The following GABRB1 variants were observed in gnomAD, a reference collection of about 807,000 sequenced individuals.
GABRB1 encodes the protein gamma-aminobutyric acid receptor subunit beta-1.
Under a neutral mutation model 51.6 loss-of-function variants are expected in GABRB1, and 17 were observed. The ratio of observed to expected loss-of-function variants is 0.33; its 90% confidence interval spans 0.23 to 0.49. The LOEUF (loss-of-function observed/expected upper bound fraction) is 0.49. Ranked by LOEUF, GABRB1 falls within the 20% of genes least tolerant of loss-of-function variation. The probability of loss-of-function intolerance (pLI) is 0.99; values close to 1 mark genes in which losing one functional copy is unlikely to be tolerated. For missense variants in GABRB1, 410 were observed against 600.6 expected (o/e 0.68, Z 3.32); for synonymous variants, 247 against 218.9 (o/e 1.13, Z -1.14).
At chr4:47,249,085 T>G (rs1160469572) in intron 4 of GABRB1, among the ~76,000 whole-genome samples, 1 of 152,108 alleles carries the variant, frequency 6.6e-6, no homozygotes, top group African/African-American at 2.4e-5. Context: ...CTCTCATTCC[T>G]TGAGGTGTGA....
At chr4:47,378,877 C>T (rs1727493767) in intron 5 of GABRB1, among the ~76,000 whole-genome samples, 1 of 152,130 alleles carries the variant, frequency 6.6e-6, no homozygotes, top group Admixed American at 6.5e-5. Flanking sequence ...AGCTGAGGCT[C>T]AGGGGTTAGA....
intron 4 of GABRB1, among the ~76,000 whole-genome samples, chr4:47,212,987 G>A (rs569666558): frequency 6.6e-6 from 1 of 152,200 alleles, no homozygotes; most frequent in South Asian, 2.1e-4. Flanking sequence ...GCTAATGCAC[G>A]ACATACATGG....
At chr4:47,001,199 G>A (rs1724168778) in intron 1 of GABRB1, among the ~76,000 whole-genome samples, 1 of 152,116 alleles carries the variant, frequency 6.6e-6, no homozygotes, top group Admixed American at 6.5e-5. Flanking sequence ...CTGGAGTACA[G>A]TGGCGCGATC....
At chr4:47,093,799 CTCTT>C (rs774078990) in intron 3 of GABRB1, among the ~76,000 whole-genome samples, 14 of 152,278 alleles carry the variant, frequency 9.2e-5, no homozygotes, top group Non-Finnish European at 1.8e-4. Flanking sequence ...GGCAAAATCT[CTCTT>C]AAGATACAAG....
At chr4:47,130,145 G>T (rs1397507143) in intron 3 of GABRB1, among the ~76,000 whole-genome samples, 1 of 152,064 alleles carries the variant, frequency 6.6e-6, no homozygotes, top group Non-Finnish European at 1.5e-5. Context: ...GATACCAAGT[G>T]TTTTATTTCC....
At chr4:47,260,520 T>G (rs1478651335) in intron 4 of GABRB1, among the ~76,000 whole-genome samples, 1 of 152,198 alleles carries the variant, frequency 6.6e-6, no homozygotes. Context: ...AGGGCAGGCC[T>G]GGTGGTGACA....
At chr4:47,100,247 T>A (rs2109605119) in intron 3 of GABRB1, among the ~76,000 whole-genome samples, 1 of 152,132 alleles carries the variant, frequency 6.6e-6, no homozygotes, top group East Asian at 1.9e-4. Context: ...CATGGGATTA[T>A]GTTGATTGTA....
At chr4:47,352,643 T>A (rs1391176351) in intron 5 of GABRB1, among the ~76,000 whole-genome samples, 3 of 152,356 alleles carry the variant, frequency 2.0e-5, no homozygotes, top group Non-Finnish European at 4.4e-5. Flanking sequence ...ATCCAGCATA[T>A]AAACAGAATT....
At chr4:47,081,091 A>G (rs1229100296) in intron 3 of GABRB1, among the ~76,000 whole-genome samples, 1 of 152,178 alleles carries the variant, frequency 6.6e-6, no homozygotes, top group Non-Finnish European at 1.5e-5. Flanking sequence ...GAGGAATGGC[A>G]TGTTGTGAAT....
intron 3 of GABRB1, among the ~76,000 whole-genome samples, chr4:47,091,428 A>G (rs2109586552): frequency 6.6e-6 from 1 of 152,332 alleles, no homozygotes; most frequent in African/African-American, 2.4e-5. Context: ...CTGAGGAGTT[A>G]GAAAACAGAA....
chr4:47,049,137 T>G (rs895641896), intron 3 of GABRB1, among the ~76,000 whole-genome samples: 21 of 152,272 alleles, frequency 1.4e-4, no homozygotes, highest in South Asian at 2.1e-4. Context: ...GCTCCCTCCT[T>G]TGGCATCCAT....
At chr4:47,128,486 A>G (rs1035824185) in intron 3 of GABRB1, among the ~76,000 whole-genome samples, 4 of 151,976 alleles carry the variant, frequency 2.6e-5, no homozygotes, top group Non-Finnish European at 5.9e-5. Context: ...AGATAAAAGG[A>G]AAGATATTAC....
rs184459601 is a variant in GABRB1, at chr4:47,156,276, A to G, written c.241-4973A>G. Among the ~76,000 whole-genome samples the G allele has an allele frequency of 7.8e-4, 118 of 151,916 alleles. 2 individuals carry two copies. The East Asian group carries it at 0.02, about 26-fold the overall frequency. ...AAGCCACTGTAACTGGGGTCAGATG[A>G]TATCTCATTGTGGTTTTGATTTGCT... On this transcript the variant is annotated intron_variant, in intron 3 of 8. Coordinates refer to ENST00000295454, the MANE Select transcript of GABRB1 (RefSeq NM_000812.4).
intron 3 of GABRB1, among the ~76,000 whole-genome samples, chr4:47,148,163 C>T (rs1024490458): frequency 6.6e-6 from 1 of 151,810 alleles, no homozygotes; most frequent in African/African-American, 2.4e-5. Context: ...AACAGAAATG[C>T]CAGAAGAGAA....
At chr4:47,351,321 C>T (rs2109998727) in intron 5 of GABRB1, among the ~76,000 whole-genome samples, 1 of 152,180 alleles carries the variant, frequency 6.6e-6, no homozygotes, top group Admixed American at 6.5e-5. Context: ...ATAATAATTC[C>T]CCCCAAAAAA....
At chr4:47,188,255 C>T in intron 4 of GABRB1, among the ~76,000 whole-genome samples, 1 of 151,830 alleles carries the variant, frequency 6.6e-6, no homozygotes, top group Non-Finnish European at 1.5e-5. Flanking sequence ...TTTTAAAAAG[C>T]CAGTTATATT....
intron 1 of GABRB1, among the ~76,000 whole-genome samples, chr4:47,001,352 C>T (rs1383924541): frequency 2.0e-5 from 3 of 152,044 alleles, no homozygotes; most frequent in Non-Finnish European, 4.4e-5. Flanking sequence ...CCGTGTTAGC[C>T]AGGATGGTCT....
At chr4:47,220,813 T>C (rs1720738180) in intron 4 of GABRB1, among the ~76,000 whole-genome samples, 1 of 152,010 alleles carries the variant, frequency 6.6e-6, no homozygotes, top group Non-Finnish European at 1.5e-5. Context: ...TCTCATAATG[T>C]GTTAACTCCT....
At position 47,123,212 on chromosome 4, in the gene GABRB1, C is replaced by G. The variant is rs370408895; in HGVS notation, c.241-38037C>G. 1.1e-4 allele frequency among the ~76,000 whole-genome samples: 17 copies of G among 148,316 alleles called. No individual in the cohort carries two copies. In the East Asian group the frequency reaches 1.2e-3, roughly 10 times the overall value. ...TACCTACTTTACAAAAGGTACTATT[C>G]TGGGCTAGAGACGAAATAAATCCAG... On this transcript the variant is annotated intron_variant, in intron 3 of 8. Coordinates refer to ENST00000295454, the MANE Select transcript of GABRB1 (RefSeq NM_000812.4).
Sources: gnomAD v4.1 joint callset for allele counts (sites outside exome capture counted in the v4.1 genomes callset) on GRCh38, gnomAD v4.1.1 for gene constraint, MANE v1.5 for transcripts, NCBI Gene and HGNC (gene_info 2026-07-23, HGNC 2026-07-21) for gene names.